DCAF10: variants seen among roughly 807,000 people sequenced by gnomAD.
DCAF10 encodes DDB1 and CUL4 associated factor 10.
DCAF10 carries 19 observed loss-of-function variants against 51.9 expected under a neutral mutation model. The observed-to-expected ratio is 0.37, with a 90% confidence interval of 0.26 to 0.54. The LOEUF is 0.54. Ranked by LOEUF, DCAF10 falls within the 20% of genes least tolerant of loss-of-function variation. The pLI is 0.87. For missense variants in DCAF10, 510 were observed against 730.6 expected (o/e 0.70, Z 3.48); for synonymous variants, 291 against 297.1 (o/e 0.98, Z 0.21).
In DCAF10 at chr9:37,862,181, A is replaced by T. The variant is rs77816465; in HGVS notation, c.*673A>T. On this transcript the variant is annotated 3_prime_UTR_variant, in exon 7 of 7. Coordinates refer to ENST00000377724, the MANE Select transcript of DCAF10 (RefSeq NM_024345.5). ...ATTTTATTGTGAAATTCTAGAAAAAAATATTACCACCTCTCTTTGTAATTT... is the reference window on the plus strand; with the variant it reads ...ATTTTATTGTGAAATTCTAGAAAAATATATTACCACCTCTCTTTGTAATTT... 19,558 of 152,568 alleles carry T rather than the reference A, an allele frequency of 0.13. 1,415 individuals are homozygous for T. Among genetic ancestry groups the T allele is most frequent in the Non-Finnish European group, 0.16 (10,995 of 67,976 alleles). The allele number at this position is 152,568 out of a possible 1,614,324, so 9.5% of individuals were successfully genotyped here.
chr9:37,831,379 CT>C (rs1830003033), intron 2 of DCAF10, among the ~76,000 whole-genome samples: 3 of 152,262 alleles, frequency 2.0e-5, no homozygotes, highest in Middle Eastern at 3.4e-3. Flanking sequence ...CACAGTATCC[CT>C]CTGTGAGACA....
chr9:37,817,998 C>CT lies in DCAF10; in HGVS notation c.540-1278dup, dbSNP rs773625935. Among the ~76,000 whole-genome samples the CT allele has an allele frequency of 4.0e-3, 587 of 145,844 alleles. 3 individuals carry two copies. Among genetic ancestry groups the CT allele is most frequent in the African/African-American group, 0.011 (449 of 40,110 alleles). ...TTAGTAAATAAAGAAAAGATTTCAA[C>CT]TTTTTTTTTTTTGAGACAGAGTCTT... On this transcript the variant is annotated intron_variant, in intron 1 of 6. Coordinates refer to ENST00000377724, the MANE Select transcript of DCAF10 (RefSeq NM_024345.5).
At chr9:37,857,936 C>T (rs113912303) in intron 5 of DCAF10, among the ~76,000 whole-genome samples, 29 of 152,218 alleles carry the variant, frequency 1.9e-4, no homozygotes, top group African/African-American at 7.0e-4. Flanking sequence ...ACAAATTCCA[C>T]ATACTGTTCC....
rs1395928999 is a variant in DCAF10, at chr9:37,829,468, A to G, written c.653+10067A>G. 6.6e-6 allele frequency among the ~76,000 whole-genome samples: 1 copy of G among 152,118 alleles called. No individual in the cohort carries two copies. The highest frequency in any genetic ancestry group is 1.5e-5 in the Non-Finnish European group (1 of 68,022). ...AAAAATTAATAAATAAAATAAAATA[A>G]AACAAAAAACTACAATGAAGAATAA... On this transcript the variant is annotated intron_variant, in intron 2 of 6. Coordinates refer to ENST00000377724, the MANE Select transcript of DCAF10 (RefSeq NM_024345.5). The surrounding 1 kb of genome is among the most constrained non-coding windows in gnomAD (Gnocchi z 4.2).
intron 1 of DCAF10, among the ~76,000 whole-genome samples, chr9:37,814,096 A>ATATATC (rs1829441201): frequency 1.1e-5 from 1 of 91,350 alleles, no homozygotes. Flanking sequence ...ATATATATAT[A>ATATATC]TATATATATA....
At chr9:37,807,468 G>T (rs1449874619) in intron 1 of DCAF10, among the ~76,000 whole-genome samples, 1 of 152,006 alleles carries the variant, frequency 6.6e-6, no homozygotes, top group Non-Finnish European at 1.5e-5. Flanking sequence ...TCAAATAAAA[G>T]ATTATGGCTA....
intron 1 of DCAF10, among the ~76,000 whole-genome samples, chr9:37,811,812 C>A (rs1422235939): frequency 1.3e-5 from 2 of 152,036 alleles, no homozygotes; most frequent in Admixed American, 6.6e-5. Flanking sequence ...AATATTTGAA[C>A]AGATAATGGA....
chr9:37,807,697 T>C (rs1829164093), intron 1 of DCAF10, among the ~76,000 whole-genome samples: 1 of 150,370 alleles, frequency 6.7e-6, no homozygotes, highest in Non-Finnish European at 1.5e-5. Context: ...AGTTTCACTC[T>C]TGTTGTCCAG....
rs762107086 is a variant in DCAF10, at chr9:37,860,015, C to T, written c.1166-33C>T. The T allele has an allele frequency of 2.5e-6, 4 of 1,611,934 alleles. No homozygotes were observed. In the South Asian group the frequency reaches 4.4e-5, roughly 18 times the overall value. ...GAACTGCCTTAGTTTTTTGATAATA[C>T]AAATCCCACATCCTCATTTTCTTAT... On this transcript the variant is annotated intron_variant, in intron 5 of 6. Coordinates refer to ENST00000377724, the MANE Select transcript of DCAF10 (RefSeq NM_024345.5).
chr9:37,825,574 G>T (rs1019197014), intron 2 of DCAF10, among the ~76,000 whole-genome samples: 1 of 152,234 alleles, frequency 6.6e-6, no homozygotes. Flanking sequence ...GCCTTCCAGA[G>T]AGTGGAGGGT....
rs770320673 is a variant in DCAF10, at chr9:37,842,080, C to T, written c.654-9C>T. On this transcript the variant is annotated splice_polypyrimidine_tract_variant and intron_variant, in intron 2 of 6. Coordinates refer to ENST00000377724, the MANE Select transcript of DCAF10 (RefSeq NM_024345.5). ...AATGAACCAGGGTTTTGTTTTTCTG[C>T]TTTTATAGATTTCTTGATAACCGGC... 1 of 1,597,948 alleles carries T rather than the reference C, an allele frequency of 6.3e-7. No individual in the cohort carries two copies. The highest frequency in any genetic ancestry group is 1.4e-5 in the African/African-American group (1 of 74,072).
chr9:37,840,837 TA>T (rs1476095771), intron 2 of DCAF10, among the ~76,000 whole-genome samples: 2 of 152,204 alleles, frequency 1.3e-5, no homozygotes, highest in Non-Finnish European at 2.9e-5. Flanking sequence ...TATACAGGCG[TA>T]ACATTTTAAA....
rs542820105 is a variant in DCAF10 at position 37,812,357 on chromosome 9, C to T, written c.540-6931C>T. Among the ~76,000 whole-genome samples the T allele has an allele frequency of 1.7e-3, 256 of 152,128 alleles. 3 individuals carry two copies. The highest frequency in any genetic ancestry group is 2.9e-3 in the Non-Finnish European group (199 of 67,990). ...AAAACTAAAATAAAACATACATGCA[C>T]AAAGACAAAGAAAATCTTAAAAGCA... On this transcript the variant is annotated intron_variant, in intron 1 of 6. Transcript: ENST00000377724.
At chr9:37,827,747 A>C (rs553758574) in intron 2 of DCAF10, among the ~76,000 whole-genome samples, 1 of 152,338 alleles carries the variant, frequency 6.6e-6, no homozygotes, top group African/African-American at 2.4e-5. Context: ...GAACCAGTTT[A>C]AGGTGAGGAA....
chr9:37,850,805 C>T (rs865871148), intron 3 of DCAF10, among the ~76,000 whole-genome samples: 3 of 117,008 alleles, frequency 2.6e-5, no homozygotes, highest in Non-Finnish European at 1.7e-5. Flanking sequence ...ATCATAAATG[C>T]TAAGTATGTG....
intron 2 of DCAF10, among the ~76,000 whole-genome samples, chr9:37,831,814 T>G (rs1830014742): frequency 6.6e-6 from 1 of 152,184 alleles, no homozygotes; most frequent in Non-Finnish European, 1.5e-5. Context: ...CTGGGCGTGG[T>G]GGCCGGCATC....
intron 2 of DCAF10, among the ~76,000 whole-genome samples, chr9:37,839,878 T>A (rs1830280947): frequency 6.6e-6 from 1 of 152,224 alleles, no homozygotes; most frequent in Non-Finnish European, 1.5e-5. Flanking sequence ...TTTGTAAGTA[T>A]TTGTTGAGTG....
At chr9:37,837,623 G>A (rs1052322917) in intron 2 of DCAF10, among the ~76,000 whole-genome samples, 8 of 152,088 alleles carry the variant, frequency 5.3e-5, no homozygotes, top group African/African-American at 1.9e-4. Context: ...AGCCCTGAAA[G>A]AGGCAAGACT....
At chr9:37,846,353 A>G (rs532734449) in intron 3 of DCAF10, among the ~76,000 whole-genome samples, 15 of 152,354 alleles carry the variant, frequency 9.8e-5, no homozygotes, top group African/African-American at 3.6e-4. Flanking sequence ...AAAAGGATTA[A>G]TAAGGAGTAC....
Sources: gnomAD v4.1 joint callset for allele counts (sites outside exome capture counted in the v4.1 genomes callset) on GRCh38, gnomAD v4.1.1 for gene constraint, Gnocchi (gnomAD v3.1) non-coding constraint, MANE v1.5 for transcripts, NCBI Gene and HGNC (gene_info 2026-07-23, HGNC 2026-07-21) for gene names.